LTBP4: variants seen among roughly 807,000 people sequenced by gnomAD.
The protein encoded by LTBP4 is latent transforming growth factor beta binding protein 4.
Under a neutral mutation model 180.2 loss-of-function variants are expected in LTBP4, and 93 were observed. The ratio of observed to expected loss-of-function variants is 0.52; its 90% CI spans 0.44 to 0.61. The LOEUF (loss-of-function observed/expected upper bound fraction) is 0.61. LTBP4 is among the 20% of genes least tolerant of loss of function. The probability of loss-of-function intolerance (pLI) is 0.00; values close to 1 mark genes in which losing one functional copy is unlikely to be tolerated. For synonymous variants in LTBP4, 947 were observed against 934.5 expected, an observed-to-expected ratio of 1.01 and a Z score of -0.24; for missense variants, 2,116 against 2,256.5, an observed-to-expected ratio of 0.94 and a Z score of 1.26.
chr19:40,624,785 G>A (rs781174624), intron 26 of LTBP4, among the ~76,000 whole-genome samples: 4 of 151,502 alleles, frequency 2.6e-5, no homozygotes, highest in African/African-American at 7.3e-5. Flanking sequence ...CATGAGTGCT[G>A]CCTGTTATTA....
At position 40,625,296 on chromosome 19, in the gene LTBP4, A is replaced by ATT. The variant is rs1568414529; in HGVS notation, c.3833-560_3833-559insTT. On this transcript the variant is annotated intron_variant, in intron 26 of 29. Coordinates refer to ENST00000396819, the MANE Select transcript of LTBP4 (RefSeq NM_001042545.2). ...TATATATATATATATATATATATAT[A>ATT]TATATATATATATATATATATTTTT... Among the ~76,000 whole-genome samples, 84 of 9,620 alleles carry ATT rather than the reference A, an allele frequency of 8.7e-3. 17 individuals carry two copies. Among genetic ancestry groups the ATT allele is most frequent in the African/African-American group, 0.012 (7 of 592 alleles). The allele number at this position is 9,620 out of a possible 152,430, so 6.3% of individuals were successfully genotyped here. A position where few individuals can be genotyped will look rare whatever the true frequency, so the allele number is the denominator to read the frequency against.
Position 40,613,574 on chromosome 19 carries a change from G to T in LTBP4, c.2557+45G>T. On this transcript the variant is annotated intron_variant, in intron 17 of 29. Coordinates refer to ENST00000396819, the MANE Select transcript of LTBP4 (RefSeq NM_001042545.2). This position sits in a 1 kb window ranked among gnomAD's most constrained non-coding sequence, Gnocchi z 5.0. ...CTGGCCCCGGAAAGGGTGGGCTTAG[G>T]GCAGGAAAAGGCGGGACGGGGAGAA... The T allele has an allele frequency of 6.5e-7, 1 of 1,548,336 alleles. No homozygotes were observed.
chr19:40,616,458 C>T (rs913824697), intron 19 of LTBP4, among the ~76,000 whole-genome samples: 8 of 150,144 alleles, frequency 5.3e-5, no homozygotes, highest in African/African-American at 2.0e-4. Context: ...AGTGGCTGGG[C>T]GTGGTGGCTC....
Position 40,608,109 on chromosome 19 carries a change from C to A in LTBP4, c.1157-111C>A, listed in dbSNP as rs924062930. On this transcript the variant is annotated intron_variant, in intron 7 of 29. Transcript: ENST00000396819. Reference sequence around the variant, plus strand: ...CCCCATCCCAGCCTCCAGCTCAAACCCCTGACACTCTCCAGCCAAGCCCTG... The same window carrying A: ...CCCCATCCCAGCCTCCAGCTCAAACACCTGACACTCTCCAGCCAAGCCCTG... 1.2e-4 allele frequency: 148 copies of A among 1,207,268 alleles called. 1 individual carries two copies. Among genetic ancestry groups the A allele is most frequent in the Middle Eastern group, 3.8e-4 (2 of 5,304 alleles). 74.8% of individuals were successfully genotyped at this position (1,207,268 alleles called of 1,614,324 possible). A position where few individuals can be genotyped will look rare whatever the true frequency, so the allele number is the denominator to read the frequency against.
At chr19:40,614,114 T>C in intron 18 of LTBP4, 76 bp downstream of exon 18, 1 of 1,581,288 alleles carries the variant, frequency 6.3e-7, no homozygotes, top group South Asian at 1.1e-5. Context: ...CACCTCTGTC[T>C]TTCCTCCTCC....
In LTBP4 at chr19:40,625,306, A is replaced by ATT. The variant is rs2081624223; in HGVS notation, c.3833-550_3833-549insTT. The stretch of plus-strand genomic sequence containing the variant: ...TATATATATATATATATATATATAT[A>ATT]TATATATATATTTTTTTTTTTAAAG... On this transcript the variant is annotated intron_variant, in intron 26 of 29. Coordinates refer to ENST00000396819, the MANE Select transcript of LTBP4 (RefSeq NM_001042545.2). Among the ~76,000 whole-genome samples, 12 of 16,460 alleles carry ATT rather than the reference A, an allele frequency of 7.3e-4. 2 individuals are homozygous for ATT. The highest frequency in any genetic ancestry group is 1.1e-3 in the Non-Finnish European group (11 of 10,172). The allele number at this position is 16,460 out of a possible 152,430, so 10.8% of individuals were successfully genotyped here.
chr19:40,609,965 C>CT lies in LTBP4; in HGVS notation c.1684+95dup. 1 of 1,425,624 alleles carries CT rather than the reference C, an allele frequency of 7.0e-7. No individual in the cohort carries two copies. Among genetic ancestry groups the CT allele is most frequent in the African/African-American group, 1.4e-5 (1 of 69,860 alleles). 88.3% of individuals were successfully genotyped at this position (1,425,624 alleles called of 1,614,324 possible). A position where few individuals can be genotyped will look rare whatever the true frequency, so the allele number is the denominator to read the frequency against. On this transcript the variant is annotated intron_variant, in intron 11 of 29. Coordinates refer to ENST00000396819, the MANE Select transcript of LTBP4 (RefSeq NM_001042545.2). This position sits in a 1 kb window ranked among gnomAD's most constrained non-coding sequence, Gnocchi z 4.9. ...TCTCCAGCCCTCCCACGCTTCCCCT[C>CT]TCGGGTCCCGCCCCAGGACTGCTCT...
chr19:40,605,625 C>G lies in LTBP4; in HGVS notation c.663C>G (p.Tyr221Ter). The change falls in exon 3 of 30, where the codon TAC becomes TAG. Residue 221 changes from tyrosine (Y) to a stop codon, truncating the protein, a stop_gained. Transcript: ENST00000396819. LOFTEE classifies it high-confidence loss of function. This position sits in a 1 kb window ranked among gnomAD's most constrained non-coding sequence, Gnocchi z 5.5. ...ACTCAGATGCCTCGGGCTTCGGTTA[C>G]TGCTTTCGGGAGCTGCGCGGAGGCG... ...DGYSDASGFG[Y>*]CFRELRGGEC... 1 of 1,589,506 alleles carries G rather than the reference C, an allele frequency of 6.3e-7. No homozygotes were observed.
chr19:40,609,707 G>A lies in LTBP4; in HGVS notation c.1559-39G>A. On this transcript the variant is annotated intron_variant, in intron 10 of 29. Transcript: ENST00000396819. This position sits in a 1 kb window ranked among gnomAD's most constrained non-coding sequence, Gnocchi z 4.9. Reference sequence around the variant, plus strand: ...GGAAGGAGGCGGGGCGGGGGGCTTTGCCTGGTCACCTTGTCACCAGCCCCC... The same window carrying A: ...GGAAGGAGGCGGGGCGGGGGGCTTTACCTGGTCACCTTGTCACCAGCCCCC... The A allele has an allele frequency of 1.2e-6, 2 of 1,611,372 alleles. No individual in the cohort carries two copies. The highest frequency in any genetic ancestry group is 1.7e-6 in the Non-Finnish European group (2 of 1,178,410).
chr19:40,608,764 A>G, intron 9 of LTBP4, 161 bp downstream of exon 9: 1 of 752,450 alleles, frequency 1.3e-6, no homozygotes, highest in Non-Finnish European at 2.1e-6. Context: ...TACAAAAATT[A>G]ACTGGGCGTG....
At chr19:40,615,056 C>T (rs1284973883) in intron 19 of LTBP4, among the ~76,000 whole-genome samples, 1 of 152,108 alleles carries the variant, frequency 6.6e-6, no homozygotes, top group Non-Finnish European at 1.5e-5. Flanking sequence ...TTGCTCCGCC[C>T]ACAGACCCGC....
intron 26 of LTBP4, among the ~76,000 whole-genome samples, chr19:40,625,297 TATATATATA>T (rs2081623169): frequency 9.7e-5 from 2 of 20,536 alleles, no homozygotes; most frequent in African/African-American, 1.1e-3. Flanking sequence ...TATATATATA[TATATATATA>T]TATATATATA....
chr19:40,621,803 C>T (rs912512150), intron 22 of LTBP4, among the ~76,000 whole-genome samples: 5 of 152,276 alleles, frequency 3.3e-5, no homozygotes, highest in Non-Finnish European at 7.4e-5. Flanking sequence ...GGCTAGAATG[C>T]AGTGGTGTGA....
At chr19:40,610,073 C>A in intron 11 of LTBP4, 1 of 670,124 alleles carries the variant, frequency 1.5e-6, no homozygotes, top group Non-Finnish European at 2.3e-6. Context: ...ACCCAGCTCC[C>A]AAACTGCCAG....
chr19:40,609,824 T>A lies in LTBP4; in HGVS notation c.1637T>A (p.Val546Glu), dbSNP rs1290998696. The A allele has an allele frequency of 1.2e-6, 2 of 1,604,408 alleles. No homozygotes were observed. The highest frequency in any genetic ancestry group is 1.7e-6 in the Non-Finnish European group (2 of 1,175,176). ...AACTCACCAGGCAGCTTCCGCTGCG[T>A]GTGCGGCCCGGGCTTCCGAGCCGGC... ...CENSPGSFRCVCGPGFRAGPR... is the reference protein window; with the variant it reads ...CENSPGSFRCECGPGFRAGPR... The change falls in exon 11 of 30, where the codon GTG becomes GAG. Residue 546 changes from valine (V) to glutamate (E), a missense_variant. Coordinates refer to ENST00000396819, the MANE Select transcript of LTBP4 (RefSeq NM_001042545.2). The surrounding 1 kb of genome is among the most constrained non-coding windows in gnomAD (Gnocchi z 4.9).
upstream of LTBP4, chr19:40,599,464 C>A: frequency 6.2e-7 from 1 of 1,613,864 alleles, no homozygotes; most frequent in Non-Finnish European, 8.5e-7. Flanking sequence ...AGTGTGCAGG[C>A]CCCCAGCGGT....
intron 29 of LTBP4, among the ~76,000 whole-genome samples, chr19:40,628,721 T>A (rs187142264): frequency 9.7e-4 from 147 of 152,290 alleles, no homozygotes; most frequent in Middle Eastern, 3.4e-3. Context: ...TGGAGGCACA[T>A]GCGTAAAACG....
In LTBP4 at chr19:40,609,423, C is replaced by T; in HGVS notation, c.1427-107C>T. On this transcript the variant is annotated intron_variant, in intron 9 of 29. Transcript: ENST00000396819. This position sits in a 1 kb window ranked among gnomAD's most constrained non-coding sequence, Gnocchi z 4.9. Reference sequence around the variant, plus strand: ...AGACTGGGCTTGCTTGGGGAGGAGACATCCATGAAGGTGTTTTATGGATGT... The same window carrying T: ...AGACTGGGCTTGCTTGGGGAGGAGATATCCATGAAGGTGTTTTATGGATGT... 1 of 1,385,240 alleles carries T rather than the reference C, an allele frequency of 7.2e-7. No homozygotes were observed. The highest frequency in any genetic ancestry group is 1.0e-6 in the Non-Finnish European group (1 of 1,001,268). The allele number at this position is 1,385,240 out of a possible 1,614,324, so 85.8% of individuals were successfully genotyped here.
intron 1 of LTBP4, chr19:40,594,554 G>A (rs1440016260): frequency 6.6e-6 from 1 of 152,284 alleles, no homozygotes; most frequent in Admixed American, 6.5e-5. Flanking sequence ...CAGCCACAGG[G>A]TAGGAGGTGG....
Sources: allele counts gnomAD v4.1 joint callset (sites outside exome capture counted in the v4.1 genomes callset), GRCh38; gene constraint gnomAD v4.1.1; non-coding constraint Gnocchi (gnomAD v3.1); transcripts MANE v1.5; gene names NCBI Gene and HGNC (gene_info 2026-07-23, HGNC 2026-07-21).